Variants in IQCM observed in about 807,000 individuals in gnomAD.
The protein encoded by IQCM is IQ domain-containing protein M.
Under a neutral mutation model 57.6 loss-of-function variants are expected in IQCM, and 45 were observed. The observed-to-expected ratio is 0.78, with a 90% CI of 0.62 to 1.00. IQCM has a LOEUF of 1.00. Ranked by LOEUF, IQCM falls within the 50% of genes least tolerant of loss-of-function variation. The probability of loss-of-function intolerance (pLI) is 0.00; values close to 1 mark genes in which losing one functional copy is unlikely to be tolerated. For missense variants in IQCM, 468 were observed against 511.6 expected (o/e 0.91, Z 0.82); for synonymous variants, 148 against 158.9 (o/e 0.93, Z 0.51).
chr4:149,550,240 T>C (rs1422698269), intron 11 of IQCM, among the ~76,000 whole-genome samples: 1 of 152,204 alleles, frequency 6.6e-6, no homozygotes, highest in Non-Finnish European at 1.5e-5. Flanking sequence ...CCTAGAGGGA[T>C]TAAGCTTCAG....
At chr4:149,489,846 C>T (rs1314743618) in intron 12 of IQCM, among the ~76,000 whole-genome samples, 1 of 151,590 alleles carries the variant, frequency 6.6e-6, no homozygotes, top group African/African-American at 2.4e-5. Context: ...TTTTATCATT[C>T]TATTGAAATT....
At chr4:149,389,921 C>T (rs1731726496) in intron 13 of IQCM, among the ~76,000 whole-genome samples, 2 of 151,886 alleles carry the variant, frequency 1.3e-5, no homozygotes, top group Admixed American at 1.3e-4. Flanking sequence ...GTTTCAACTT[C>T]GTTCTTCTTT....
intron 13 of IQCM, among the ~76,000 whole-genome samples, chr4:149,365,651 G>C (rs1407166202): frequency 6.6e-6 from 1 of 152,136 alleles, no homozygotes; most frequent in African/African-American, 2.4e-5. Flanking sequence ...CATATTGATA[G>C]CATGTTCCCA....
chr4:149,375,477 T>C (rs1730647358), intron 13 of IQCM, among the ~76,000 whole-genome samples: 1 of 152,176 alleles, frequency 6.6e-6, no homozygotes, highest in Non-Finnish European at 1.5e-5. Flanking sequence ...CTACTTTTTG[T>C]TTCTGGATGG....
At chr4:149,449,399 T>A (rs913886665) in intron 12 of IQCM, among the ~76,000 whole-genome samples, 1 of 145,682 alleles carries the variant, frequency 6.9e-6, no homozygotes, top group Non-Finnish European at 1.5e-5. Context: ...ATATATATAT[T>A]TATATTTATA....
chr4:149,455,640 C>T (rs1280915997), intron 12 of IQCM, among the ~76,000 whole-genome samples: 4 of 151,962 alleles, frequency 2.6e-5, no homozygotes, highest in African/African-American at 9.7e-5. Context: ...ATTTTGTTAG[C>T]AGGAGCTGCA....
intron 7 of IQCM, among the ~76,000 whole-genome samples, chr4:149,661,951 T>A (rs1264116233): frequency 4.6e-5 from 7 of 152,080 alleles, no homozygotes; most frequent in Non-Finnish European, 7.4e-5. Flanking sequence ...ATTTTTGCTC[T>A]GAGATTTATT....
At chr4:149,800,244 ACC>A (rs1422629611) in intron 2 of IQCM, among the ~76,000 whole-genome samples, 2 of 151,992 alleles carry the variant, frequency 1.3e-5, no homozygotes, top group Non-Finnish European at 2.9e-5. Context: ...ATGAATAAAA[ACC>A]AAATGATCAT....
chr4:149,438,455 A>C (rs150538029), intron 12 of IQCM, among the ~76,000 whole-genome samples: 3 of 152,212 alleles, frequency 2.0e-5, no homozygotes, highest in African/African-American at 7.2e-5. Flanking sequence ...TGGTGGACAA[A>C]TAATCTATAA....
intron 13 of IQCM, among the ~76,000 whole-genome samples, chr4:149,354,642 A>G (rs1290733087): frequency 2.6e-5 from 4 of 152,028 alleles, no homozygotes; most frequent in Non-Finnish European, 1.5e-5. Context: ...CATTACTCAA[A>G]AGAGTTAAAA....
intron 9 of IQCM, among the ~76,000 whole-genome samples, chr4:149,582,416 T>C (rs566464902): frequency 8.0e-6 from 1 of 124,364 alleles, no homozygotes; most frequent in South Asian, 2.4e-4. Flanking sequence ...AAAAAGTTGA[T>C]AAGGAGGGGT....
chr4:149,400,158 G>A (rs1235334549), intron 13 of IQCM, among the ~76,000 whole-genome samples: 3 of 150,614 alleles, frequency 2.0e-5, no homozygotes, highest in Admixed American at 6.6e-5. Context: ...GTCAATGAGA[G>A]AAGAGAATGT....
intron 8 of IQCM, among the ~76,000 whole-genome samples, chr4:149,607,036 A>G (rs1360962753): frequency 6.6e-6 from 1 of 152,114 alleles, no homozygotes; most frequent in African/African-American, 2.4e-5. Flanking sequence ...TCCAGAGAAA[A>G]ATATTAATAT....
chr4:149,379,734 A>G (rs1730948034), intron 13 of IQCM, among the ~76,000 whole-genome samples: 1 of 152,168 alleles, frequency 6.6e-6, no homozygotes, highest in African/African-American at 2.4e-5. Flanking sequence ...TAATACTGAA[A>G]TGAGTTAAGA....
chr4:149,711,071 GAAT>G (rs1341631427), intron 5 of IQCM: 4 of 152,140 alleles, frequency 2.6e-5, no homozygotes, highest in Non-Finnish European at 5.9e-5. Flanking sequence ...TATTATCTAA[GAAT>G]AATGTTGGGC....
At chr4:149,380,894 A>G (rs1731031692) in intron 13 of IQCM, among the ~76,000 whole-genome samples, 1 of 152,174 alleles carries the variant, frequency 6.6e-6, no homozygotes. Flanking sequence ...TAATAATACT[A>G]TTTAAGGTTT....
At chr4:149,731,959 G>C (rs1766500962) in intron 5 of IQCM, among the ~76,000 whole-genome samples, 1 of 152,078 alleles carries the variant, frequency 6.6e-6, no homozygotes, top group Non-Finnish European at 1.5e-5. Flanking sequence ...AATGCTGATG[G>C]AACAGCCCTC....
chr4:149,787,437 C>G (rs1314517627), intron 2 of IQCM, among the ~76,000 whole-genome samples: 1 of 152,114 alleles, frequency 6.6e-6, no homozygotes, highest in African/African-American at 2.4e-5. Flanking sequence ...CTTCAAAATA[C>G]ATTACCAAGC....
chr4:149,550,251 T>A (rs1748898498), intron 11 of IQCM, among the ~76,000 whole-genome samples: 1 of 152,216 alleles, frequency 6.6e-6, no homozygotes, highest in South Asian at 2.1e-4. Flanking sequence ...TAAGCTTCAG[T>A]TGTCCAGGTA....
Sources: allele counts gnomAD v4.1 joint callset (sites outside exome capture counted in the v4.1 genomes callset), GRCh38; gene constraint gnomAD v4.1.1; transcripts MANE v1.5; gene names NCBI Gene and HGNC (gene_info 2026-07-23, HGNC 2026-07-21).